Variants in GMDS observed in about 807,000 individuals in gnomAD.
The protein encoded by GMDS is GDP-mannose 4,6-dehydratase.
Under a neutral mutation model 49.9 loss-of-function variants are expected in GMDS, and 20 were observed. The ratio of observed to expected loss-of-function variants is 0.40; its 90% CI spans 0.28 to 0.58. The LOEUF (loss-of-function observed/expected upper bound fraction) is 0.58, where lower values mean the gene tolerates loss of function less well. Ranked by LOEUF, GMDS falls within the 20% of genes least tolerant of loss-of-function variation. The pLI is 0.42. For synonymous variants in GMDS, 177 were observed against 178.6 expected (o/e 0.99, Z 0.07); for missense variants, 362 against 481.4 (o/e 0.75, Z 2.32).
At chr6:1,689,544 A>T (rs994880354) in intron 9 of GMDS, among the ~76,000 whole-genome samples, 1 of 152,250 alleles carries the variant, frequency 6.6e-6, no homozygotes, top group African/African-American at 2.4e-5. Flanking sequence ...TTCTGGTATA[A>T]GACAATGGAT....
At chr6:1,744,721 C>A (rs1345782115) in intron 7 of GMDS, among the ~76,000 whole-genome samples, 1 of 152,230 alleles carries the variant, frequency 6.6e-6, no homozygotes, top group Non-Finnish European at 1.5e-5. Flanking sequence ...TAGTGAGCAG[C>A]TGCTCCTTGT....
chr6:1,674,019 G>A (rs534547946), intron 9 of GMDS, among the ~76,000 whole-genome samples: 4 of 123,216 alleles, frequency 3.2e-5, no homozygotes, highest in African/African-American at 5.7e-5. Context: ...CTGAGGACAT[G>A]TTTTCAACTT....
intron 9 of GMDS, among the ~76,000 whole-genome samples, chr6:1,645,155 C>T (rs1415689560): frequency 2.0e-5 from 3 of 151,880 alleles, no homozygotes; most frequent in African/African-American, 7.3e-5. Context: ...AGGCTGGTCT[C>T]GAACTCCTGA....
At chr6:1,913,774 C>T (rs895410895) in intron 7 of GMDS, among the ~76,000 whole-genome samples, 2 of 152,112 alleles carry the variant, frequency 1.3e-5, no homozygotes, top group Admixed American at 1.3e-4. Context: ...GAACAGGAAA[C>T]GAAGCCAGAT....
intron 7 of GMDS, among the ~76,000 whole-genome samples, chr6:1,783,813 A>C (rs1234508584): frequency 6.6e-6 from 1 of 152,220 alleles, no homozygotes; most frequent in African/African-American, 2.4e-5. Flanking sequence ...TAAGCTTCAA[A>C]TACACATACT....
At chr6:2,236,005 A>G (rs1319002952) in intron 1 of GMDS, among the ~76,000 whole-genome samples, 1 of 152,194 alleles carries the variant, frequency 6.6e-6, no homozygotes, top group Non-Finnish European at 1.5e-5. Flanking sequence ...TGTACAGGAC[A>G]TCTGTAGATA....
At chr6:1,657,794 TTC>T (rs1763931908) in intron 9 of GMDS, among the ~76,000 whole-genome samples, 1 of 146,842 alleles carries the variant, frequency 6.8e-6, no homozygotes, top group South Asian at 2.2e-4. Flanking sequence ...TTGGGCAAAA[TTC>T]TCTGTCATTT....
chr6:1,901,155 G>C (rs998591133), intron 7 of GMDS, among the ~76,000 whole-genome samples: 1 of 152,200 alleles, frequency 6.6e-6, no homozygotes, highest in African/African-American at 2.4e-5. Flanking sequence ...GTGGCTCCCG[G>C]CTCTCAGCTC....
intron 5 of GMDS, 60 bp downstream of exon 5, chr6:1,960,714 C>T (rs1763891417): frequency 2.7e-6 from 3 of 1,109,360 alleles, no homozygotes; most frequent in South Asian, 2.0e-5. Flanking sequence ...GAAAAACACA[C>T]ACCCCCCACA....
chr6:2,245,308 C>A lies in GMDS; in HGVS notation c.102+13G>T. 2 of 1,518,538 alleles carry A rather than the reference C, an allele frequency of 1.3e-6. No homozygotes were observed. Among genetic ancestry groups the A allele is most frequent in the South Asian group, 2.4e-5 (2 of 83,744 alleles). 94.1% of individuals were successfully genotyped at this position (1,518,538 alleles called of 1,614,324 possible). Reference sequence around the variant, plus strand: ...GGCTGCCTCGGCCGGCGCGCCCCCGCCCCCGCACTCACCTGGCCTGTGATA... The same window carrying A: ...GGCTGCCTCGGCCGGCGCGCCCCCGACCCCGCACTCACCTGGCCTGTGATA... On this transcript the variant is annotated intron_variant, in intron 1 of 10. Coordinates refer to ENST00000380815, the MANE Select transcript of GMDS (RefSeq NM_001500.4).
At chr6:1,892,811 A>G (rs1244723831) in intron 7 of GMDS, among the ~76,000 whole-genome samples, 3 of 152,250 alleles carry the variant, frequency 2.0e-5, no homozygotes, top group Admixed American at 6.5e-5. Flanking sequence ...TCAATGGAAC[A>G]GCCAATGCCT....
intron 4 of GMDS, among the ~76,000 whole-genome samples, chr6:1,987,002 T>C (rs920949255): frequency 6.6e-6 from 1 of 152,192 alleles, no homozygotes; most frequent in African/African-American, 2.4e-5. Flanking sequence ...AAACCAGTAG[T>C]TGAGCCAGAA....
chr6:1,928,685 T>C (rs1181603933), intron 7 of GMDS, among the ~76,000 whole-genome samples: 2 of 152,102 alleles, frequency 1.3e-5, no homozygotes, highest in Non-Finnish European at 2.9e-5. Flanking sequence ...TTAAAAGATT[T>C]AGGCTGGGCA....
intron 4 of GMDS, among the ~76,000 whole-genome samples, chr6:2,028,643 G>A (rs1336488042): frequency 2.0e-5 from 3 of 152,146 alleles, no homozygotes; most frequent in Non-Finnish European, 4.4e-5. Flanking sequence ...CTTTAAATAA[G>A]GAAATGGGCT....
chr6:1,758,010 T>A (rs1768015939), intron 7 of GMDS, among the ~76,000 whole-genome samples: 1 of 152,196 alleles, frequency 6.6e-6, no homozygotes, highest in Non-Finnish European at 1.5e-5. Context: ...TCACAGGACA[T>A]CTCCACTCAG....
chr6:1,740,638 C>T (rs913106161), intron 8 of GMDS, among the ~76,000 whole-genome samples: 2 of 149,742 alleles, frequency 1.3e-5, no homozygotes, highest in Admixed American at 1.3e-4. Flanking sequence ...CAATTCCAAA[C>T]ATAATCAATC....
intron 7 of GMDS, among the ~76,000 whole-genome samples, chr6:1,771,695 G>A (rs1395846167): frequency 6.6e-6 from 1 of 152,352 alleles, no homozygotes; most frequent in East Asian, 1.9e-4. Flanking sequence ...CCTGTGAGAT[G>A]TTCGCTGATC....
intron 1 of GMDS, among the ~76,000 whole-genome samples, chr6:2,224,299 T>C (rs1780725174): frequency 6.6e-6 from 1 of 152,206 alleles, no homozygotes; most frequent in East Asian, 1.9e-4. Flanking sequence ...TCCACCCTTA[T>C]TGACACAGGT....
chr6:1,698,278 T>A (rs1354680925), intron 9 of GMDS, among the ~76,000 whole-genome samples: 4 of 152,166 alleles, frequency 2.6e-5, no homozygotes, highest in African/African-American at 7.2e-5. Flanking sequence ...CTGGTATACA[T>A]GTGAGGTAGC....
Sources: gnomAD v4.1 joint callset for allele counts (sites outside exome capture counted in the v4.1 genomes callset) on GRCh38, gnomAD v4.1.1 for gene constraint, MANE v1.5 for transcripts, NCBI Gene and HGNC (gene_info 2026-07-23, HGNC 2026-07-21) for gene names.